Variants in PCDHGB2 observed in about 807,000 individuals in gnomAD.
PCDHGB2 encodes the protein protocadherin gamma-B2.
PCDHGB2 carries 55 observed loss-of-function variants against 59.3 expected under a neutral mutation model. That is an observed-to-expected ratio of 0.93 (90% CI 0.75 to 1.16). The LOEUF (loss-of-function observed/expected upper bound fraction) is 1.16. PCDHGB2 is among the 50% of genes most tolerant of loss of function. The pLI is 0.00. For synonymous variants in PCDHGB2, 516 were observed against 512.0 expected, an observed-to-expected ratio of 1.01 and a Z score of -0.11; for missense variants, 1,228 against 1,198.5, an observed-to-expected ratio of 1.02 and a Z score of -0.36.
At position 141,485,162 on chromosome 5, in the gene PCDHGB2, C is replaced by A. The variant is rs759021453; in HGVS notation, c.2422-9645C>A. The A allele has an allele frequency of 8.7e-6, 14 of 1,602,188 alleles. No individual in the cohort carries two copies. The Admixed American group carries it at 2.0e-4, about 23-fold the overall frequency. ...GTCTCAGGAGCAAGTAGAGAATTAGCGGGCGGCAGCAATGCTCCGCAAGGT... is the reference window on the plus strand; with the variant it reads ...GTCTCAGGAGCAAGTAGAGAATTAGAGGGCGGCAGCAATGCTCCGCAAGGT... On this transcript the variant is annotated intron_variant, in intron 1 of 3. Transcript: ENST00000522605. The surrounding 1 kb of genome is among the most constrained non-coding windows in gnomAD (Gnocchi z 5.7).
intron 1 of PCDHGB2, among the ~76,000 whole-genome samples, chr5:141,459,660 T>C (rs73280323): frequency 7.9e-4 from 120 of 152,386 alleles, no homozygotes; most frequent in African/African-American, 2.7e-3. Flanking sequence ...AATATCACTT[T>C]ACATTTTCAT....
In PCDHGB2 at chr5:141,423,562, A is replaced by G. The variant is rs374427537; in HGVS notation, c.2421+61006A>G. On this transcript the variant is annotated intron_variant, in intron 1 of 3. Coordinates refer to ENST00000522605, the MANE Select transcript of PCDHGB2 (RefSeq NM_018923.3). ...TTTCCCCCAGCCCAACTATGGGGAC[A>G]CGCTCATCAGCCAGGAGAGCTGTGA... is the stretch of plus-strand genomic sequence containing the variant. 7 of 1,613,498 alleles carry G rather than the reference A, an allele frequency of 4.3e-6. No homozygotes were observed. The African/African-American group carries it at 8.0e-5, about 18-fold the overall frequency.
chr5:141,495,386 G>C (rs2099760934), intron 2 of PCDHGB2, among the ~76,000 whole-genome samples: 1 of 152,214 alleles, frequency 6.6e-6, no homozygotes, highest in Non-Finnish European at 1.5e-5. Context: ...GGACTGGGCG[G>C]GGCATGGAGC....
At chr5:141,364,990 G>T in intron 1 of PCDHGB2, 1 of 1,613,862 alleles carries the variant, frequency 6.2e-7, no homozygotes, top group South Asian at 1.1e-5. Flanking sequence ...GCGGAGACCC[G>T]GTACTCTCCG....
chr5:141,491,871 C>T lies in PCDHGB2; in HGVS notation c.2422-2936C>T, dbSNP rs1222191027. 2.1e-6 allele frequency: 3 copies of T among 1,451,434 alleles called. No individual in the cohort carries two copies. Among genetic ancestry groups the T allele is most frequent in the Non-Finnish European group, 2.7e-6 (3 of 1,098,418 alleles). 89.9% of individuals were successfully genotyped at this position (1,451,434 alleles called of 1,614,324 possible). ...ACCGTTTGCGCGAAACCAGAGTGGC[C>T]GATTAAGGGATGGGGCTCCGAGCAC... On this transcript the variant is annotated intron_variant, in intron 1 of 3. Transcript: ENST00000522605. The surrounding 1 kb of genome is among the most constrained non-coding windows in gnomAD (Gnocchi z 6.9).
At chr5:141,473,733 G>A (rs943072050) in intron 1 of PCDHGB2, among the ~76,000 whole-genome samples, 19 of 152,214 alleles carry the variant, frequency 1.2e-4, no homozygotes, top group Admixed American at 3.9e-4. Flanking sequence ...GAGAGAGGGA[G>A]AAGACATGAG....
rs57419416 is a variant in PCDHGB2, at chr5:141,368,862, T to C, written c.2421+6306T>C. On this transcript the variant is annotated intron_variant, in intron 1 of 3. Transcript: ENST00000522605. ...TTGGAAGGCACTTGCTTTGGAATGT[T>C]TTGGAGCAAAGTCTTGAGTCAGTTA... Among the ~76,000 whole-genome samples, 1,508 of 152,302 alleles carry C rather than the reference T, an allele frequency of 9.9e-3. 27 individuals are homozygous for C. Among genetic ancestry groups the C allele is most frequent in the African/African-American group, 0.034 (1,407 of 41,562 alleles).
chr5:141,477,268 C>T lies in PCDHGB2; in HGVS notation c.2422-17539C>T. ...TGACTGACCTGGATGCTGGCGAGAA[C>T]GGGCTGGTGACCTGCGAAGTTCCAC... On this transcript the variant is annotated intron_variant, in intron 1 of 3. Transcript: ENST00000522605. The surrounding 1 kb of genome is among the most constrained non-coding windows in gnomAD (Gnocchi z 4.9). The T allele has an allele frequency of 6.2e-7, 1 of 1,614,196 alleles. No individual in the cohort carries two copies. The highest frequency in any genetic ancestry group is 8.5e-7 in the Non-Finnish European group (1 of 1,180,030).
rs1588559519 is a variant in PCDHGB2 at position 141,361,193 on chromosome 5, C to G, written c.1058C>G (p.Ser353Cys). The G allele has an allele frequency of 6.2e-7, 1 of 1,613,962 alleles. No individual in the cohort carries two copies. Among genetic ancestry groups the G allele is most frequent in the East Asian group, 2.2e-5 (1 of 44,876 alleles). ...CCTGAAGTTATTGTGACTTCAGTAT[C>G]TACTCCCCTACCGGAGGATTCGCCA... is the stretch of plus-strand genomic sequence containing the variant. ...CAPEVIVTSV[S>C]TPLPEDSPPG... The change falls in exon 1 of 4, where the codon TCT (serine) becomes TGT (cysteine). Residue 353 changes from serine (S) to cysteine (C), a missense_variant. Physicochemically the swap from Ser to Cys is moderately radical, Grantham distance 112. Transcript: ENST00000522605.
chr5:141,361,135 C>A lies in PCDHGB2; in HGVS notation c.1000C>A (p.Gln334Lys). 1 of 1,613,506 alleles carries A rather than the reference C, an allele frequency of 6.2e-7. No homozygotes were observed. The highest frequency in any genetic ancestry group is 8.5e-7 in the Non-Finnish European group (1 of 1,179,880). Residue 334 changes from glutamine to lysine, a missense_variant, in exon 1 of 4, where the codon CAA becomes AAA. Coordinates refer to ENST00000522605, the MANE Select transcript of PCDHGB2 (RefSeq NM_018923.3). Reference protein sequence around the residue: ...PGDLAAHCSIQVEILDDNDCA... With the variant: ...PGDLAAHCSIKVEILDDNDCA... The stretch of plus-strand genomic sequence containing the variant: ...AGATCTAGCAGCCCACTGCAGTATC[C>A]AAGTTGAAATTCTTGATGACAACGA...
intron 1 of PCDHGB2, among the ~76,000 whole-genome samples, chr5:141,451,284 G>C (rs950768919): frequency 2.6e-5 from 4 of 152,186 alleles, no homozygotes; most frequent in African/African-American, 9.7e-5. Flanking sequence ...GAGTGCCTCT[G>C]CCTCAAAGTC....
Position 141,431,697 on chromosome 5 carries a change from G to A in PCDHGB2, c.2422-63110G>A. The A allele has an allele frequency of 6.2e-7, 1 of 1,614,206 alleles. No homozygotes were observed. Among genetic ancestry groups the A allele is most frequent in the South Asian group, 1.1e-5 (1 of 91,084 alleles). On this transcript the variant is annotated intron_variant, in intron 1 of 3. Transcript: ENST00000522605. This position sits in a 1 kb window ranked among gnomAD's most constrained non-coding sequence, Gnocchi z 4.8. Reference sequence around the variant, plus strand: ...GGGGAGTTGGACCACGAGGAGTCAGGATTCTACCAGATGGAAGTGCAAGCA... The same window carrying A: ...GGGGAGTTGGACCACGAGGAGTCAGAATTCTACCAGATGGAAGTGCAAGCA...
chr5:141,415,529 G>C, intron 1 of PCDHGB2: 1 of 1,614,184 alleles, frequency 6.2e-7, no homozygotes, highest in South Asian at 1.1e-5. Context: ...ACGCTCATCA[G>C]CCAGGAGAGC....
intron 1 of PCDHGB2, chr5:141,375,955 C>T: frequency 6.2e-7 from 1 of 1,613,498 alleles, no homozygotes; most frequent in Non-Finnish European, 8.5e-7. Context: ...TGCACACGGG[C>T]GAGGTGCGCA....
intron 1 of PCDHGB2, chr5:141,383,890 G>T: frequency 1.2e-6 from 2 of 1,613,936 alleles, no homozygotes; most frequent in East Asian, 2.2e-5. Context: ...TCTGACAAAG[G>T]CAAAAGTACT....
At position 141,361,981 on chromosome 5, in the gene PCDHGB2, C is replaced by T; in HGVS notation, c.1846C>T (p.Leu616Phe). The T allele has an allele frequency of 6.2e-7, 1 of 1,601,314 alleles. No individual in the cohort carries two copies. Among genetic ancestry groups the T allele is most frequent in the Non-Finnish European group, 8.5e-7 (1 of 1,176,400 alleles). ...CGTGCTGCAGGCCAGCGAGCCCGGGCTCTTCAGCCTGGGGTTGCGCACGGG... is the reference window on the plus strand; with the variant it reads ...CGTGCTGCAGGCCAGCGAGCCCGGGTTCTTCAGCCTGGGGTTGCGCACGGG... ...YHVLQASEPG[L>F]FSLGLRTGEV... The change falls in exon 1 of 4, where the codon CTC (leucine) becomes TTC (phenylalanine). Residue 616 changes from leucine (L) to phenylalanine (F), a missense_variant. Physicochemically the swap from Leu to Phe is conservative, Grantham distance 22. Coordinates refer to ENST00000522605, the MANE Select transcript of PCDHGB2 (RefSeq NM_018923.3).
At chr5:141,372,333 C>A (rs376897075) in intron 1 of PCDHGB2, 5 of 1,613,732 alleles carry the variant, frequency 3.1e-6, no homozygotes, top group Non-Finnish European at 4.2e-6. Context: ...GGTCACTGTG[C>A]GTGATGGAGG....
At chr5:141,370,483 C>T in intron 1 of PCDHGB2, 1 of 1,613,876 alleles carries the variant, frequency 6.2e-7, no homozygotes, top group East Asian at 2.2e-5. Flanking sequence ...CAGGCTCTCT[C>T]CGAACCGATC....
chr5:141,447,738 A>C (rs1365302023), intron 1 of PCDHGB2, among the ~76,000 whole-genome samples: 7 of 152,216 alleles, frequency 4.6e-5, no homozygotes, highest in Non-Finnish European at 8.8e-5. Context: ...ATTGAACTTA[A>C]GAGTCTTGCA....
Sources: gnomAD v4.1 joint callset for allele counts (sites outside exome capture counted in the v4.1 genomes callset) on GRCh38, gnomAD v4.1.1 for gene constraint, Gnocchi (gnomAD v3.1) non-coding constraint, MANE v1.5 for transcripts, NCBI Gene and HGNC (gene_info 2026-07-23, HGNC 2026-07-21) for gene names.